The following WNK2 variants were observed in gnomAD, a reference collection of about 807,000 sequenced individuals.
WNK2 encodes the protein WNK lysine deficient protein kinase 2, also known as serine/threonine-protein kinase WNK2.
A neutral mutation model predicts 192.1 loss-of-function variants in WNK2; 67 were observed. The observed-to-expected ratio is 0.35, with a 90% CI of 0.29 to 0.43. WNK2 has a LOEUF of 0.43. WNK2 is among the 20% of genes least tolerant of loss of function. WNK2 has a pLI of 1.00. For synonymous variants in WNK2, 1,439 were observed against 1,393.9 expected (o/e 1.03, Z -0.72); for missense variants, 2,698 against 3,089.7 (o/e 0.87, Z 3.01).
chr9:93,199,199 A>G (rs960926897), intron 2 of WNK2, among the ~76,000 whole-genome samples: 3 of 151,790 alleles, frequency 2.0e-5, no homozygotes, highest in Non-Finnish European at 4.4e-5. Context: ...AAGGAAGATG[A>G]CCGATGCCTG....
chr9:93,275,156 A>G (rs978149878), intron 19 of WNK2, among the ~76,000 whole-genome samples: 1 of 152,254 alleles, frequency 6.6e-6, no homozygotes, highest in African/African-American at 2.4e-5. Flanking sequence ...AGGAAGAAAC[A>G]TATGATCATA....
chr9:93,238,145 G>A (rs1412299072), intron 5 of WNK2, 88 bp from the exon 6 acceptor site: 5 of 1,173,916 alleles, frequency 4.3e-6, no homozygotes, highest in Non-Finnish European at 6.4e-6. Flanking sequence ...TCCTGCCGTG[G>A]CTGGGAGTGG....
chr9:93,292,951 G>T lies in WNK2; in HGVS notation c.5486G>T (p.Ser1829Ile). 6.5e-7 allele frequency: 1 copy of T among 1,534,320 alleles called. No homozygotes were observed. Among genetic ancestry groups the T allele is most frequent in the Non-Finnish European group, 8.8e-7 (1 of 1,141,664 alleles). The change falls in exon 23 of 30, where the codon AGT becomes ATT. Residue 1829 changes from serine (S) to isoleucine (I), a missense_variant. Physicochemically the swap from Ser to Ile is moderately radical, Grantham distance 142. Transcript: ENST00000427277. Reference protein sequence around the residue: ...PVQKQASLPVSGSVAGDFVKK... With the variant: ...PVQKQASLPVIGSVAGDFVKK... The stretch of plus-strand genomic sequence containing the variant: ...CAGAAGCAGGCGTCCCTGCCCGTGA[G>T]TGGCAGCGTGGCTGGCGACTTCGTG...
chr9:93,289,532 C>T lies in WNK2; in HGVS notation c.4778C>T (p.Pro1593Leu). 1.3e-6 allele frequency: 2 copies of T among 1,593,184 alleles called. No homozygotes were observed. The highest frequency in any genetic ancestry group is 1.7e-6 in the Non-Finnish European group (2 of 1,166,522). Reference protein sequence around the residue: ...FTLEPLRGDQPRSEVCGGDLA... With the variant: ...FTLEPLRGDQLRSEVCGGDLA... The stretch of plus-strand genomic sequence containing the variant: ...CTGGAGCCCCTGAGAGGGGACCAGC[C>T]CCGCTCAGAGGTCTGCGGGGGGGAC... The change falls in exon 20 of 30, where the codon CCC becomes CTC. Residue 1593 changes from proline to leucine, a missense_variant. Physicochemically the swap from Pro to Leu is moderately conservative, Grantham distance 98. Around this residue, in one of 7 missense-constraint regions of WNK2, gnomAD observed 1,098 missense variants for 1,101.0 expected, o/e 1.00. Transcript: ENST00000427277.
Position 93,231,128 on chromosome 9 carries a change from C to T in WNK2, c.1075+20C>T. On this transcript the variant is annotated intron_variant, in intron 4 of 29. Transcript: ENST00000427277. ...TGATAGGTAAACCTGCTTCTCCTCC[C>T]CAGGCCCTTGGAGCCCATGAGAAGC... 6.2e-7 allele frequency: 1 copy of T among 1,610,294 alleles called. No individual in the cohort carries two copies. The highest frequency in any genetic ancestry group is 8.5e-7 in the Non-Finnish European group (1 of 1,176,606).
At chr9:93,304,065 G>C (rs950753946) in intron 26 of WNK2, among the ~76,000 whole-genome samples, 2 of 152,190 alleles carry the variant, frequency 1.3e-5, no homozygotes, top group Non-Finnish European at 2.9e-5. Flanking sequence ...AGCCCTGTGA[G>C]GTGAAAAGCG....
chr9:93,233,180 A>G (rs1489336842), intron 4 of WNK2, among the ~76,000 whole-genome samples: 1 of 137,042 alleles, frequency 7.3e-6, no homozygotes, highest in Non-Finnish European at 1.5e-5. Flanking sequence ...CCTGGGCGAC[A>G]GGGCACGATC....
intron 2 of WNK2, among the ~76,000 whole-genome samples, chr9:93,220,788 C>T (rs1484607732): frequency 2.6e-5 from 4 of 152,168 alleles, no homozygotes; most frequent in Non-Finnish European, 5.9e-5. Flanking sequence ...TGGGAAGGCT[C>T]CTGCCTGCCC....
intron 2 of WNK2, among the ~76,000 whole-genome samples, chr9:93,199,453 T>C (rs1831923604): frequency 6.6e-6 from 1 of 152,170 alleles, no homozygotes; most frequent in Admixed American, 6.5e-5. Context: ...TCTGGCCCTG[T>C]CCTGTGTCTT....
At chr9:93,205,179 A>T (rs1418380868) in intron 2 of WNK2, among the ~76,000 whole-genome samples, 1 of 152,120 alleles carries the variant, frequency 6.6e-6, no homozygotes, top group Non-Finnish European at 1.5e-5. Context: ...TTGTAGACCA[A>T]TGTTACCGGT....
chr9:93,317,864 C>G (rs1855010360), intron 29 of WNK2: 4 of 1,555,998 alleles, frequency 2.6e-6, no homozygotes, highest in Non-Finnish European at 3.5e-6. Context: ...CTGCCCTGTC[C>G]CTTGCCAGAT....
chr9:93,291,861 C>T (rs1849418002), intron 21 of WNK2, among the ~76,000 whole-genome samples: 1 of 152,162 alleles, frequency 6.6e-6, no homozygotes, highest in Admixed American at 6.5e-5. Flanking sequence ...ATGGAGAGCA[C>T]CGGAATAGCT....
Position 93,184,992 on chromosome 9 carries a change from G to A in WNK2, c.63G>A (p.Ala21=). The change falls in exon 2 of 30, where the codon GCG becomes GCA. Residue 21 remains alanine, a synonymous_variant. Transcript: ENST00000427277. ...PGTLMEPGRG[A]GPAGMAEPRA... is the part of the protein sequence containing the mutation. ...CGCTGATGGAGCCCGGGCGCGGCGC[G>A]GGGCCCGCGGGCATGGCGGAGCCTC... is the stretch of plus-strand genomic sequence containing the variant. 8.1e-7 allele frequency: 1 copy of A among 1,240,840 alleles called. No individual in the cohort carries two copies. The highest frequency in any genetic ancestry group is 1.0e-6 in the Non-Finnish European group (1 of 997,434). The allele number at this position is 1,240,840 out of a possible 1,614,324, so 76.9% of individuals were successfully genotyped here.
rs760817315 is a variant in WNK2, at chr9:93,259,333, C to A, written c.2785C>A (p.His929Asn). Residue 929 changes from histidine to asparagine, a missense_variant, in exon 12 of 30, where the codon CAT (histidine) becomes AAT (asparagine). By Grantham distance (68) the His-to-Asn change is moderately conservative (BLOSUM62 1). Coordinates refer to ENST00000427277, the MANE Select transcript of WNK2 (RefSeq NM_006648.4). This position sits in a 1 kb window ranked among gnomAD's most constrained non-coding sequence, Gnocchi z 4.8. ...MAPTDVPPSP[H>N]HTVQNMRATP... ...GCCTACTGACGTCCCTCCTTCCCCC[C>A]ATCACACGGTGCAGAATATGAGGGC... 6.8e-6 allele frequency: 11 copies of A among 1,613,484 alleles called. No homozygotes were observed. Among genetic ancestry groups the A allele is most frequent in the Admixed American group, 1.7e-5 (1 of 59,966 alleles).
chr9:93,243,636 C>T (rs1841166037), intron 7 of WNK2, among the ~76,000 whole-genome samples: 1 of 152,246 alleles, frequency 6.6e-6, no homozygotes, highest in African/African-American at 2.4e-5. Context: ...CGCCTGGCAG[C>T]AGCTGGAAGC....
intron 2 of WNK2, among the ~76,000 whole-genome samples, chr9:93,208,641 CAT>C (rs1833839785): frequency 4.7e-4 from 2 of 4,258 alleles, no homozygotes; most frequent in East Asian, 9.3e-3. Flanking sequence ...TCCATGTGCA[CAT>C]GTTCTGTGTG....
intron 19 of WNK2, among the ~76,000 whole-genome samples, chr9:93,275,231 A>G (rs1846652451): frequency 1.3e-5 from 2 of 152,202 alleles, no homozygotes; most frequent in South Asian, 2.1e-4. Context: ...ATCCTTGGCA[A>G]ACAAGCCAGG....
chr9:93,247,835 G>A lies in WNK2; in HGVS notation c.1834+1G>A, dbSNP rs1841991357. On this transcript the variant is annotated splice_donor_variant, in intron 8 of 29. Coordinates refer to ENST00000427277, the MANE Select transcript of WNK2 (RefSeq NM_006648.4). LOFTEE classifies it high-confidence loss of function. This position sits in a 1 kb window ranked among gnomAD's most constrained non-coding sequence, Gnocchi z 5.2. ...CCGACCAGCGCCACCTCCCTGGCCT[G>A]TGAGTGCTCAGGGGTGGGATGGCCA... 1.3e-6 allele frequency: 2 copies of A among 1,536,720 alleles called. No individual in the cohort carries two copies. Among genetic ancestry groups the A allele is most frequent in the Non-Finnish European group, 1.7e-6 (2 of 1,146,956 alleles).
chr9:93,257,210 C>T lies in WNK2; in HGVS notation c.2382+71C>T. ...CCAGGCCCTGGCTGGTGCACTAGGACACCCACAGAGGGGGTTGTCTGTGCA... is the reference window on the plus strand; with the variant it reads ...CCAGGCCCTGGCTGGTGCACTAGGATACCCACAGAGGGGGTTGTCTGTGCA... On this transcript the variant is annotated intron_variant, in intron 11 of 29. Transcript: ENST00000427277. This position sits in a 1 kb window ranked among gnomAD's most constrained non-coding sequence, Gnocchi z 4.7. The T allele has an allele frequency of 6.7e-7, 1 of 1,499,484 alleles. No homozygotes were observed. Among genetic ancestry groups the T allele is most frequent in the Middle Eastern group, 2.1e-4 (1 of 4,878 alleles). 92.9% of individuals were successfully genotyped at this position (1,499,484 alleles called of 1,614,324 possible).
Sources: gnomAD v4.1 joint callset for allele counts (sites outside exome capture counted in the v4.1 genomes callset) on GRCh38, gnomAD v4.1.1 for gene constraint, gnomAD v4.1.1 regional missense constraint, Gnocchi (gnomAD v3.1) non-coding constraint, MANE v1.5 for transcripts, NCBI Gene and HGNC (gene_info 2026-07-23, HGNC 2026-07-21) for gene names.